The following AGAP1 variants were observed in gnomAD, a reference collection of about 807,000 sequenced individuals.
AGAP1 encodes the protein ArfGAP with GTPase domain, ankyrin repeat and PH domain 1.
In AGAP1, 29 loss-of-function variants were observed where a neutral mutation model predicts 105.3. The observed-to-expected ratio is 0.28, with a 90% confidence interval of 0.21 to 0.38. AGAP1 has a LOEUF of 0.38. Among genes scored for constraint, AGAP1 ranks in the 10% least tolerant of loss-of-function variants. The pLI is 1.00. For missense variants in AGAP1, 998 were observed against 1,165.1 expected (o/e 0.86, Z 2.09); for synonymous variants, 509 against 485.9 (o/e 1.05, Z -0.63).
Position 235,659,891 on chromosome 2 carries a change from T to C in AGAP1, c.164-49288T>C, listed in dbSNP as rs548180168. Among the ~76,000 whole-genome samples, 1 of 152,160 alleles carries C rather than the reference T, an allele frequency of 6.6e-6. No homozygotes were observed. The highest frequency in any genetic ancestry group is 1.9e-4 in the East Asian group (1 of 5,164). ...AGGGACTCGTGAATCAACATCTGGC[T>C]CTTTGTGCACAATGGGCCTGGCATG... On this transcript the variant is annotated intron_variant, in intron 1 of 17. Transcript: ENST00000304032. The surrounding 1 kb of genome is among the most constrained non-coding windows in gnomAD (Gnocchi z 5.0).
At chr2:235,823,213 C>A (rs112766287) in intron 9 of AGAP1, among the ~76,000 whole-genome samples, 16 of 152,018 alleles carry the variant, frequency 1.1e-4, no homozygotes, top group Non-Finnish European at 2.1e-4. Flanking sequence ...TGTAACATAT[C>A]ATTATGTATT....
chr2:235,536,199 G>T (rs1345887216), intron 1 of AGAP1, among the ~76,000 whole-genome samples: 13 of 33,194 alleles, frequency 3.9e-4, no homozygotes, highest in Admixed American at 6.7e-4. Context: ...CGGGGTTTGT[G>T]TGTGGCATCC....
chr2:235,511,826 A>G (rs1056119065), intron 1 of AGAP1, among the ~76,000 whole-genome samples: 1 of 151,500 alleles, frequency 6.6e-6, no homozygotes. Flanking sequence ...GTGTGTGTGA[A>G]TGTGTGTGTG....
At chr2:235,868,871 C>T (rs1048201835) in intron 9 of AGAP1, among the ~76,000 whole-genome samples, 1 of 152,144 alleles carries the variant, frequency 6.6e-6, no homozygotes, top group East Asian at 1.9e-4. Flanking sequence ...ATACACATGA[C>T]GAATAAAGGG....
In AGAP1 at chr2:235,935,738, T is replaced by C. The variant is rs183646887; in HGVS notation, c.1483+4815T>C. On this transcript the variant is annotated intron_variant, in intron 12 of 17. Coordinates refer to ENST00000304032, the MANE Select transcript of AGAP1 (RefSeq NM_001037131.3). ...TGGCTGAGGGTTCTCTTGAATCTTA[T>C]TGGAAGCCTGTAATTTTTTTTGATT... Among the ~76,000 whole-genome samples the C allele has an allele frequency of 6.6e-3, 1,004 of 152,368 alleles. 8 individuals carry two copies. Among genetic ancestry groups the C allele is most frequent in the African/African-American group, 0.022 (920 of 41,596 alleles).
At position 236,130,531 on chromosome 2, in the gene AGAP1, T is replaced by TTAG. The variant is rs1409813555; in HGVS notation, c.*6409_*6410insTAG. Reference sequence around the variant, plus strand: ...CCCTCATCTCCCTGGTGCTGAACAGTCTACACTGGCCCAGGAAGCTAACGT... The same window carrying TTAG: ...CCCTCATCTCCCTGGTGCTGAACAGTTAGCTACACTGGCCCAGGAAGCTAACGT... On this transcript the variant is annotated 3_prime_UTR_variant, in exon 18 of 18. Coordinates refer to ENST00000304032, the MANE Select transcript of AGAP1 (RefSeq NM_001037131.3). The surrounding 1 kb of genome is among the most constrained non-coding windows in gnomAD (Gnocchi z 5.8). The TTAG allele has an allele frequency of 2.6e-5, 4 of 152,144 alleles. No individual in the cohort carries two copies. Among genetic ancestry groups the TTAG allele is most frequent in the Non-Finnish European group, 5.9e-5 (4 of 68,098 alleles). 9.4% of individuals were successfully genotyped at this position (152,144 alleles called of 1,614,324 possible). A position where few individuals can be genotyped will look rare whatever the true frequency, so the allele number is the denominator to read the frequency against.
chr2:235,634,235 C>T (rs1354479575), intron 1 of AGAP1, among the ~76,000 whole-genome samples: 1 of 152,204 alleles, frequency 6.6e-6, no homozygotes, highest in African/African-American at 2.4e-5. Context: ...TTTGAGTTTG[C>T]ATTGGTGCAT....
Position 235,705,298 on chromosome 2 carries a change from G to A in AGAP1, c.164-3881G>A, listed in dbSNP as rs1950485664. The stretch of plus-strand genomic sequence containing the variant: ...CTGGCCCAGACACTTCTGAGAACGA[G>A]CTACATCCTCTGTGCCACTGGATTC... On this transcript the variant is annotated intron_variant, in intron 1 of 17. Coordinates refer to ENST00000304032, the MANE Select transcript of AGAP1 (RefSeq NM_001037131.3). The surrounding 1 kb of genome is among the most constrained non-coding windows in gnomAD (Gnocchi z 4.9). Among the ~76,000 whole-genome samples, 1 of 152,174 alleles carries A rather than the reference G, an allele frequency of 6.6e-6. No homozygotes were observed. Among genetic ancestry groups the A allele is most frequent in the Non-Finnish European group, 1.5e-5 (1 of 68,044 alleles).
rs1575179113 is a variant in AGAP1, at chr2:235,705,674, A to G, written c.164-3505A>G. On this transcript the variant is annotated intron_variant, in intron 1 of 17. Transcript: ENST00000304032. This position sits in a 1 kb window ranked among gnomAD's most constrained non-coding sequence, Gnocchi z 4.9. ...TGACTGGGCGGTAACAGAGTTGATG[A>G]AAGTTTTTAAAATAAATACTTTTTA... is the stretch of plus-strand genomic sequence containing the variant. Among the ~76,000 whole-genome samples, 1 of 152,238 alleles carries G rather than the reference A, an allele frequency of 6.6e-6. No homozygotes were observed. The highest frequency in any genetic ancestry group is 2.4e-5 in the African/African-American group (1 of 41,456).
intron 11 of AGAP1, among the ~76,000 whole-genome samples, chr2:235,923,631 C>G (rs1424023011): frequency 6.6e-6 from 1 of 151,082 alleles, no homozygotes; most frequent in African/African-American, 2.4e-5. Context: ...TTGTCTCCGG[C>G]TCTGTGTTCT....
chr2:235,602,706 T>C (rs1945770699), intron 1 of AGAP1, among the ~76,000 whole-genome samples: 1 of 118,386 alleles, frequency 8.4e-6, no homozygotes, highest in Admixed American at 7.6e-5. Flanking sequence ...GACACATTTC[T>C]TTTTCTTTTT....
chr2:236,111,488 C>A (rs986214540), intron 16 of AGAP1, among the ~76,000 whole-genome samples: 12 of 133,524 alleles, frequency 9.0e-5, no homozygotes, highest in Non-Finnish European at 1.6e-4. Context: ...ATAGCAAGAC[C>A]CTGTCTTAAA....
intron 6 of AGAP1, among the ~76,000 whole-genome samples, chr2:235,781,003 C>T (rs910433060): frequency 6.6e-6 from 1 of 152,192 alleles, no homozygotes; most frequent in East Asian, 1.9e-4. Flanking sequence ...ATTCTCTGGA[C>T]AATTATTTAA....
At chr2:235,844,971 CTGATTTT>C (rs1487310542) in intron 9 of AGAP1, among the ~76,000 whole-genome samples, 4 of 152,160 alleles carry the variant, frequency 2.6e-5, no homozygotes, top group Non-Finnish European at 4.4e-5. Context: ...CCACTAGACT[CTGATTTT>C]TGTATGAGCA....
intron 16 of AGAP1, among the ~76,000 whole-genome samples, chr2:236,068,267 T>A (rs2058401221): frequency 6.6e-6 from 1 of 151,818 alleles, no homozygotes; most frequent in African/African-American, 2.4e-5. Context: ...CAAGACTCCA[T>A]CTCAAAAAAA....
rs1576293654 is a variant in AGAP1, at chr2:236,095,866, T to C, written c.2115-24326T>C. ...GTTTTGCATCATGGCGCATAGCTGC[T>C]TTTTTCCTTTTAGGATGTGCCTCTC... On this transcript the variant is annotated intron_variant, in intron 16 of 17. Transcript: ENST00000304032. The surrounding 1 kb of genome is among the most constrained non-coding windows in gnomAD (Gnocchi z 4.1). 6.6e-6 allele frequency among the ~76,000 whole-genome samples: 1 copy of C among 151,532 alleles called. No homozygotes were observed. Among genetic ancestry groups the C allele is most frequent in the Non-Finnish European group, 1.5e-5 (1 of 67,886 alleles).
At chr2:235,508,043 C>G (rs1941901541) in intron 1 of AGAP1, among the ~76,000 whole-genome samples, 1 of 152,078 alleles carries the variant, frequency 6.6e-6, no homozygotes. Context: ...ATTTGGTTTT[C>G]TGTTCCTCCG....
At position 235,955,122 on chromosome 2, in the gene AGAP1, G is replaced by T. The variant is rs75965142; in HGVS notation, c.1484-13340G>T. Among the ~76,000 whole-genome samples, 412 of 152,322 alleles carry T rather than the reference G, an allele frequency of 2.7e-3. 1 individual carries two copies. The highest frequency in any genetic ancestry group is 0.014 in the Middle Eastern group (4 of 294). The stretch of plus-strand genomic sequence containing the variant: ...TTCATTTCCTGTGTGAAGAAATTGA[G>T]GCTAAAAGAAATGACATGCCCAGGG... On this transcript the variant is annotated intron_variant, in intron 12 of 17. Transcript: ENST00000304032.
At chr2:235,833,437 C>T (rs1959698074) in intron 9 of AGAP1, among the ~76,000 whole-genome samples, 1 of 152,118 alleles carries the variant, frequency 6.6e-6, no homozygotes, top group South Asian at 2.1e-4. Flanking sequence ...GTGGTTATCC[C>T]CATAGTTTGC....
Sources: allele counts gnomAD v4.1 joint callset (sites outside exome capture counted in the v4.1 genomes callset), GRCh38; gene constraint gnomAD v4.1.1; non-coding constraint Gnocchi (gnomAD v3.1); transcripts MANE v1.5; gene names NCBI Gene and HGNC (gene_info 2026-07-23, HGNC 2026-07-21).